The following XKR4 variants were observed in gnomAD, a reference collection of about 807,000 sequenced individuals.
XKR4 encodes XK related 4, also known as XK-related protein 4.
XKR4 carries 12 observed loss-of-function variants against 53.9 expected under a neutral mutation model. The observed-to-expected ratio is 0.22, with a 90% CI of 0.14 to 0.36. XKR4 has a LOEUF of 0.36. Ranked by LOEUF, XKR4 falls within the 10% of genes least tolerant of loss-of-function variation. The probability of loss-of-function intolerance (pLI) is 1.00; values close to 1 mark genes in which losing one functional copy is unlikely to be tolerated. For missense variants in XKR4, 799 were observed against 859.5 expected, an observed-to-expected ratio of 0.93 and a Z score of 0.88; for synonymous variants, 354 against 362.4, an observed-to-expected ratio of 0.98 and a Z score of 0.26.
At chr8:55,186,176 A>C (rs993621337) in intron 1 of XKR4, among the ~76,000 whole-genome samples, 3 of 152,112 alleles carry the variant, frequency 2.0e-5, no homozygotes, top group African/African-American at 7.2e-5. Flanking sequence ...AACAAGTTTG[A>C]CCCTCGTATC....
intron 1 of XKR4, among the ~76,000 whole-genome samples, chr8:55,326,976 C>A (rs973312471): frequency 2.6e-5 from 4 of 152,020 alleles, no homozygotes; most frequent in Non-Finnish European, 5.9e-5. Context: ...CTCTCCCTTG[C>A]TTCTTTATGC....
chr8:55,422,013 A>G (rs1804942380), intron 2 of XKR4, among the ~76,000 whole-genome samples: 1 of 152,230 alleles, frequency 6.6e-6, no homozygotes, highest in Admixed American at 6.5e-5. Flanking sequence ...TTAATGTCCC[A>G]TGAGCTTTAA....
chr8:55,308,009 C>T (rs868514148), intron 1 of XKR4, among the ~76,000 whole-genome samples: 1 of 152,110 alleles, frequency 6.6e-6, no homozygotes, highest in Non-Finnish European at 1.5e-5. Flanking sequence ...AATCCCAGCA[C>T]TTTGGGAGGC....
At chr8:55,279,207 T>C (rs2129373575) in intron 1 of XKR4, among the ~76,000 whole-genome samples, 1 of 152,282 alleles carries the variant, frequency 6.6e-6, no homozygotes, top group Non-Finnish European at 1.5e-5. Context: ...TGGGGAAGTG[T>C]CCTCACTTCA....
At chr8:55,337,658 G>A (rs1399016890) in intron 1 of XKR4, among the ~76,000 whole-genome samples, 4 of 152,124 alleles carry the variant, frequency 2.6e-5, no homozygotes, top group African/African-American at 9.7e-5. Context: ...GCAGTGGCAG[G>A]GGCAATGGTA....
At chr8:55,365,369 G>C (rs1803964348) in intron 2 of XKR4, among the ~76,000 whole-genome samples, 1 of 152,206 alleles carries the variant, frequency 6.6e-6, no homozygotes, top group African/African-American at 2.4e-5. Context: ...GTATCAAGTA[G>C]CATACCACCC....
intron 2 of XKR4, among the ~76,000 whole-genome samples, chr8:55,368,856 G>T (rs1282147496): frequency 6.6e-6 from 1 of 152,164 alleles, no homozygotes; most frequent in African/African-American, 2.4e-5. Context: ...CTGCTCACAA[G>T]TTCCTGTGGA....
Position 55,102,785 on chromosome 8 carries a change from C to A in XKR4, c.297C>A (p.Arg99=). The A allele has an allele frequency of 6.3e-7, 1 of 1,586,796 alleles. No homozygotes were observed. Among genetic ancestry groups the A allele is most frequent in the Non-Finnish European group, 8.5e-7 (1 of 1,173,000 alleles). The change falls in exon 1 of 3, where the codon CGC becomes CGA. Residue 99 remains arginine (R), a synonymous_variant. Transcript: ENST00000327381. This position sits in a 1 kb window ranked among gnomAD's most constrained non-coding sequence, Gnocchi z 5.1. ...GGAGSAALCL[R]LGREQRRYSL... ...CGGGCTCGGCTGCGCTGTGCCTGCG[C>A]CTGGGCAGGGAGCAGCGGCGCTACT...
chr8:55,291,636 T>C (rs1347548686), intron 1 of XKR4, among the ~76,000 whole-genome samples: 1 of 152,186 alleles, frequency 6.6e-6, no homozygotes, highest in African/African-American at 2.4e-5. Flanking sequence ...GTAATAATGT[T>C]AGTCTCAGCT....
chr8:55,488,625 G>A (rs1806227399), intron 2 of XKR4, among the ~76,000 whole-genome samples: 1 of 152,150 alleles, frequency 6.6e-6, no homozygotes, highest in Non-Finnish European at 1.5e-5. Context: ...TGATATTCTG[G>A]AAAAGAATGG....
At chr8:55,229,319 A>G (rs1817999056) in intron 1 of XKR4, among the ~76,000 whole-genome samples, 1 of 152,244 alleles carries the variant, frequency 6.6e-6, no homozygotes, top group South Asian at 2.1e-4. Flanking sequence ...AAAAGAGGAT[A>G]GTGAAGGAAA....
intron 1 of XKR4, among the ~76,000 whole-genome samples, chr8:55,262,882 A>G (rs1818547045): frequency 6.6e-6 from 1 of 152,166 alleles, no homozygotes; most frequent in South Asian, 2.1e-4. Context: ...GCACCAAAGG[A>G]TTGTGGATCA....
At chr8:55,502,940 C>A (rs1585609311) in intron 2 of XKR4, among the ~76,000 whole-genome samples, 1 of 152,124 alleles carries the variant, frequency 6.6e-6, no homozygotes, top group East Asian at 1.9e-4. Context: ...TTTTCCCAGA[C>A]CATTTGTTGA....
Position 55,419,315 on chromosome 8 carries a change from G to T in XKR4, c.1006+61438G>T, listed in dbSNP as rs973944584. On this transcript the variant is annotated intron_variant, in intron 2 of 2. Coordinates refer to ENST00000327381, the MANE Select transcript of XKR4 (RefSeq NM_052898.2). ...CATGAGAATCGCTTGAACCCTGGAG[G>T]CAGAGATTGCAGTGAGCCAAGATCA... Among the ~76,000 whole-genome samples, 12 of 152,252 alleles carry T rather than the reference G, an allele frequency of 7.9e-5. No individual in the cohort carries two copies. The South Asian group carries it at 2.1e-3, about 26-fold the overall frequency.
intron 1 of XKR4, among the ~76,000 whole-genome samples, chr8:55,180,603 G>C (rs933013271): frequency 2.0e-5 from 3 of 152,132 alleles, no homozygotes; most frequent in African/African-American, 4.8e-5. Context: ...TGCGATCTTG[G>C]TTCACTGCAA....
At position 55,528,181 on chromosome 8, in the gene XKR4, A is replaced by G. The variant is rs977704521; in HGVS notation, c.*3954A>G. ...ACCAACCCAAGCTTACAGTCCATCT[A>G]TAAGACCAACACACTTACGAACTTC... On this transcript the variant is annotated 3_prime_UTR_variant, in exon 3 of 3. Transcript: ENST00000327381. 1 of 152,248 alleles carries G rather than the reference A, an allele frequency of 6.6e-6. No individual in the cohort carries two copies. 9.4% of individuals were successfully genotyped at this position (152,248 alleles called of 1,614,324 possible).
At position 55,429,017 on chromosome 8, in the gene XKR4, G is replaced by C. The variant is rs183073802; in HGVS notation, c.1006+71140G>C. ...ACTAGTAGGAATCAATTTCAATATAGCTACGTAATCAAGACCCTGTGGTAT... is the reference window on the plus strand; with the variant it reads ...ACTAGTAGGAATCAATTTCAATATACCTACGTAATCAAGACCCTGTGGTAT... On this transcript the variant is annotated intron_variant, in intron 2 of 2. Transcript: ENST00000327381. Among the ~76,000 whole-genome samples the C allele has an allele frequency of 4.7e-3, 720 of 152,306 alleles. 9 individuals carry two copies. Among genetic ancestry groups the C allele is most frequent in the African/African-American group, 0.016 (670 of 41,566 alleles).
At chr8:55,189,741 T>C (rs568630488) in intron 1 of XKR4, among the ~76,000 whole-genome samples, 1 of 152,332 alleles carries the variant, frequency 6.6e-6, no homozygotes, top group Admixed American at 6.5e-5. Context: ...ATTACTGTAT[T>C]TGTATTTGTC....
chr8:55,336,866 G>C (rs1233153496), intron 1 of XKR4, among the ~76,000 whole-genome samples: 1 of 152,152 alleles, frequency 6.6e-6, no homozygotes. Context: ...TAGCCTAGTG[G>C]TGTGCATGCA....
Sources: gnomAD v4.1 joint callset for allele counts (sites outside exome capture counted in the v4.1 genomes callset) on GRCh38, gnomAD v4.1.1 for gene constraint, Gnocchi (gnomAD v3.1) non-coding constraint, MANE v1.5 for transcripts, NCBI Gene and HGNC (gene_info 2026-07-23, HGNC 2026-07-21) for gene names.